ACTG2: variants seen among roughly 807,000 people sequenced by gnomAD.
The protein encoded by ACTG2 is actin, gamma-enteric smooth muscle.
A neutral mutation model predicts 37.6 loss-of-function variants in ACTG2; 16 were observed. The observed-to-expected ratio is 0.43, with a 90% CI of 0.29 to 0.65. The LOEUF (loss-of-function observed/expected upper bound fraction) is 0.65, where lower values mean the gene tolerates loss of function less well. Among genes scored for constraint, ACTG2 ranks in the 30% least tolerant of loss-of-function variants. ACTG2 has a pLI of 0.18. For missense variants in ACTG2, 238 were observed against 490.9 expected, an observed-to-expected ratio of 0.48 and a Z score of 4.87; for synonymous variants, 181 against 179.9, an observed-to-expected ratio of 1.01 and a Z score of -0.05.
At position 73,908,127 on chromosome 2, in the gene ACTG2, CA is replaced by C. The variant is rs201854602; in HGVS notation, c.256-545del. 4.5e-4 allele frequency among the ~76,000 whole-genome samples: 69 copies of C among 152,346 alleles called. 1 individual carries two copies. Among genetic ancestry groups the C allele is most frequent in the African/African-American group, 1.6e-3 (67 of 41,574 alleles). Reference sequence around the variant, plus strand: ...GAGCCAGCAACAGAGGGAGCTCTCACACCCCTAAACATGAAGGGGTCAGGTG... The same window carrying C: ...GAGCCAGCAACAGAGGGAGCTCTCACCCCCTAAACATGAAGGGGTCAGGTG... On this transcript the variant is annotated intron_variant, in intron 3 of 8. Transcript: ENST00000345517.
intron 6 of ACTG2, among the ~76,000 whole-genome samples, chr2:73,914,233 G>A (rs766971259): frequency 9.9e-5 from 15 of 152,082 alleles, no homozygotes; most frequent in South Asian, 2.1e-4. Flanking sequence ...CCCTCTTCGC[G>A]GCAAGTCTAT....
chr2:73,903,939 C>CAAAGAAAAAA (rs1679946839), intron 3 of ACTG2, among the ~76,000 whole-genome samples: 1 of 90,020 alleles, frequency 1.1e-5, no homozygotes, highest in African/African-American at 4.3e-5. Flanking sequence ...GACTCCGTCT[C>CAAAGAAAAAA]AAAAAAAAAA....
rs1474984917 is a variant in ACTG2 at position 73,919,452 on chromosome 2, G to T, written c.1008G>T (p.Arg336=). 2 of 1,613,906 alleles carry T rather than the reference G, an allele frequency of 1.2e-6. No individual in the cohort carries two copies. The highest frequency in any genetic ancestry group is 4.5e-5 in the East Asian group (2 of 44,886). Residue 336 remains arginine (R), a synonymous_variant, in exon 9 of 9, where the codon CGG becomes CGT. Coordinates refer to ENST00000345517, the MANE Select transcript of ACTG2 (RefSeq NM_001615.4). ...TGCAGATTATTGCTCCCCCAGAGCG[G>T]AAGTACTCAGTCTGGATCGGGGGCT... ...MKIKIIAPPE[R]KYSVWIGGSI...
At chr2:73,911,273 C>A (rs1573470950) in intron 5 of ACTG2, among the ~76,000 whole-genome samples, 1 of 152,086 alleles carries the variant, frequency 6.6e-6, no homozygotes, top group Non-Finnish European at 1.5e-5. Flanking sequence ...GTGGGTGGAT[C>A]TCTTTGAGCT....
chr2:73,910,277 A>G (rs1392160497), intron 5 of ACTG2, among the ~76,000 whole-genome samples: 1 of 151,146 alleles, frequency 6.6e-6, no homozygotes, highest in African/African-American at 2.4e-5. Flanking sequence ...AGCTTACTGT[A>G]ATGTTTTTTA....
chr2:73,901,284 G>C lies in ACTG2; in HGVS notation c.-28G>C. 6.5e-7 allele frequency: 1 copy of C among 1,542,088 alleles called. No homozygotes were observed. The highest frequency in any genetic ancestry group is 8.8e-7 in the Non-Finnish European group (1 of 1,138,326). ...CTCCCGCAAATCCCAAGGTGCTCCAGTCCCCAGCTCACTCAGCCACACACA... is the reference window on the plus strand; with the variant it reads ...CTCCCGCAAATCCCAAGGTGCTCCACTCCCCAGCTCACTCAGCCACACACA... On this transcript the variant is annotated 5_prime_UTR_variant, in exon 2 of 9. Coordinates refer to ENST00000345517, the MANE Select transcript of ACTG2 (RefSeq NM_001615.4).
chr2:73,904,248 C>CA (rs61261289), intron 3 of ACTG2, among the ~76,000 whole-genome samples: 1,487 of 65,156 alleles, frequency 0.023, 84 homozygotes, highest in Non-Finnish European at 0.025. Flanking sequence ...GACCATGTCT[C>CA]AAAAAAAAAA....
Position 73,919,639 on chromosome 2 carries a change from A to G in ACTG2, c.*64A>G. On this transcript the variant is annotated 3_prime_UTR_variant, in exon 9 of 9. Coordinates refer to ENST00000345517, the MANE Select transcript of ACTG2 (RefSeq NM_001615.4). ...TCTGTTACCAGTCATGAAACATTAA[A>G]ACCTACAAGCCTTACTTCTCTGTGT... 1 of 1,561,298 alleles carries G rather than the reference A, an allele frequency of 6.4e-7. No individual in the cohort carries two copies. Among genetic ancestry groups the G allele is most frequent in the Non-Finnish European group, 8.7e-7 (1 of 1,147,916 alleles).
At chr2:73,916,853 G>A (rs1680281246) in intron 8 of ACTG2, 88 bp downstream of exon 8, 15 of 1,473,680 alleles carry the variant, frequency 1.0e-5, no homozygotes, top group African/African-American at 2.8e-5. Context: ...TGCCAGACCT[G>A]ATAACTTGCT....
chr2:73,895,354 C>A (rs1342791726), intron 1 of ACTG2, among the ~76,000 whole-genome samples: 1 of 152,140 alleles, frequency 6.6e-6, no homozygotes, highest in Non-Finnish European at 1.5e-5. Context: ...TATTACTCAG[C>A]AGAGTTGTTT....
rs772407613 is a variant in ACTG2 at position 73,902,738 on chromosome 2, C to T, written c.255+250C>T. The stretch of plus-strand genomic sequence containing the variant: ...TCATTCACCGAATTAATTCTCTACA[C>T]TGCTGCAAAACTGATCTTTCTAAAC... On this transcript the variant is annotated intron_variant, in intron 3 of 8. Coordinates refer to ENST00000345517, the MANE Select transcript of ACTG2 (RefSeq NM_001615.4). 7 of 1,551,032 alleles carry T rather than the reference C, an allele frequency of 4.5e-6. No homozygotes were observed. In the South Asian group the frequency reaches 8.3e-5, roughly 18 times the overall value.
intron 1 of ACTG2, among the ~76,000 whole-genome samples, chr2:73,894,060 C>T (rs150940664): frequency 6.6e-4 from 101 of 152,210 alleles, no homozygotes; most frequent in Middle Eastern, 3.4e-3. Flanking sequence ...CGAGAGAATG[C>T]GTATATACAG....
intron 7 of ACTG2, 109 bp from the exon 8 acceptor site, chr2:73,916,475 G>T: frequency 1.0e-6 from 1 of 953,884 alleles, no homozygotes; most frequent in South Asian, 1.7e-5. Flanking sequence ...AGATATTAAG[G>T]TTCTGAACTA....
intron 1 of ACTG2, among the ~76,000 whole-genome samples, chr2:73,900,943 C>G (rs1433057437): frequency 1.3e-5 from 2 of 152,170 alleles, no homozygotes; most frequent in Non-Finnish European, 2.9e-5. Flanking sequence ...TATAAAGACA[C>G]CCATTGTACT....
chr2:73,893,860 G>A (rs986690315), intron 1 of ACTG2, among the ~76,000 whole-genome samples: 3 of 152,090 alleles, frequency 2.0e-5, no homozygotes, highest in African/African-American at 4.8e-5. Flanking sequence ...ATGAGATGAA[G>A]GGGCCACTTC....
rs1573461222 is a variant in ACTG2 at position 73,901,300 on chromosome 2, G to A, written c.-12G>A. On this transcript the variant is annotated 5_prime_UTR_variant, in exon 2 of 9. Coordinates refer to ENST00000345517, the MANE Select transcript of ACTG2 (RefSeq NM_001615.4). ...GGTGCTCCAGTCCCCAGCTCACTCA[G>A]CCACACACACCATGTGTGAAGAGGA... 1 of 1,581,446 alleles carries A rather than the reference G, an allele frequency of 6.3e-7. No homozygotes were observed. The highest frequency in any genetic ancestry group is 8.6e-7 in the Non-Finnish European group (1 of 1,159,572).
chr2:73,910,365 CTTT>C (rs1190070765), intron 5 of ACTG2, among the ~76,000 whole-genome samples: 5 of 80,692 alleles, frequency 6.2e-5, no homozygotes, highest in Admixed American at 1.9e-4. Flanking sequence ...CTTTTTTCGA[CTTT>C]TTTTTTTTTT....
chr2:73,913,170 C>CA (rs58764001), intron 5 of ACTG2, among the ~76,000 whole-genome samples: 1,278 of 102,444 alleles, frequency 0.012, 34 homozygotes, highest in African/African-American at 0.042. Flanking sequence ...ACTCTGTCTC[C>CA]AAAAAAAAAA....
At position 73,901,453 on chromosome 2, in the gene ACTG2, G is replaced by C. The variant is rs1034877601; in HGVS notation, c.126+16G>C. The C allele has an allele frequency of 1.9e-5, 31 of 1,613,466 alleles. No homozygotes were observed. Among genetic ancestry groups the C allele is most frequent in the Non-Finnish European group, 2.5e-5 (30 of 1,179,760 alleles). Reference sequence around the variant, plus strand: ...TCGCCACCAGGTGCGTGCTCATCTGGATACCACCAGGCTTTGAGCCACTAG... The same window carrying C: ...TCGCCACCAGGTGCGTGCTCATCTGCATACCACCAGGCTTTGAGCCACTAG... On this transcript the variant is annotated intron_variant, in intron 2 of 8. Coordinates refer to ENST00000345517, the MANE Select transcript of ACTG2 (RefSeq NM_001615.4).
Sources: gnomAD v4.1 joint callset for allele counts (sites outside exome capture counted in the v4.1 genomes callset) on GRCh38, gnomAD v4.1.1 for gene constraint, MANE v1.5 for transcripts, NCBI Gene and HGNC (gene_info 2026-07-23, HGNC 2026-07-21) for gene names.